Variants in SUGCT observed in about 807,000 individuals in gnomAD.
The protein encoded by SUGCT is succinyl-CoA:glutarate CoA-transferase.
Under a neutral mutation model 55.0 loss-of-function variants are expected in SUGCT, and 41 were observed. That is an observed-to-expected ratio of 0.74 (90% CI 0.58 to 0.97). The LOEUF is 0.97. Among genes scored for constraint, SUGCT ranks in the 50% least tolerant of loss-of-function variants. The probability of loss-of-function intolerance (pLI) is 0.00; values close to 1 mark genes in which losing one functional copy is unlikely to be tolerated. For missense variants in SUGCT, 568 were observed against 547.8 expected (o/e 1.04, Z -0.37); for synonymous variants, 187 against 200.4 (o/e 0.93, Z 0.56).
intron 12 of SUGCT, among the ~76,000 whole-genome samples, chr7:40,648,582 G>A (rs1800633514): frequency 6.6e-6 from 1 of 152,188 alleles, no homozygotes; most frequent in Non-Finnish European, 1.5e-5. Context: ...ATGTAATTGA[G>A]TTTACACAAG....
chr7:40,789,891 G>C (rs1323527431), intron 13 of SUGCT, among the ~76,000 whole-genome samples: 1 of 152,178 alleles, frequency 6.6e-6, no homozygotes, highest in Non-Finnish European at 1.5e-5. Flanking sequence ...TGGAGGGGGA[G>C]TCTCAGAAGG....
chr7:40,575,128 G>A (rs1029924732), intron 12 of SUGCT, among the ~76,000 whole-genome samples: 2 of 147,772 alleles, frequency 1.4e-5, no homozygotes, highest in African/African-American at 5.0e-5. Flanking sequence ...GCGGGGGTGG[G>A]GGTGGAGATG....
chr7:41,024,764 C>A, the SUGCT span, among the ~76,000 whole-genome samples: 1 of 127,754 alleles, frequency 7.8e-6, no homozygotes, highest in African/African-American at 2.7e-5. Flanking sequence ...TGGGTACAGC[C>A]CCCTGAGTGG....
intron 12 of SUGCT, among the ~76,000 whole-genome samples, chr7:40,646,864 C>T (rs1391610484): frequency 6.6e-6 from 1 of 152,160 alleles, no homozygotes; most frequent in Non-Finnish European, 1.5e-5. Flanking sequence ...TGTTCAGCAT[C>T]TAGTAAGTAC....
chr7:40,641,077 T>C (rs1409727152), intron 12 of SUGCT, among the ~76,000 whole-genome samples: 1 of 152,246 alleles, frequency 6.6e-6, no homozygotes, highest in Admixed American at 6.5e-5. Context: ...CTCTTCCCCT[T>C]CTTAACCTTA....
the SUGCT span, among the ~76,000 whole-genome samples, chr7:40,952,315 C>T: frequency 6.7e-6 from 1 of 150,034 alleles, no homozygotes; most frequent in African/African-American, 2.4e-5. Flanking sequence ...GGTAGATCTT[C>T]CCCCATCCCT....
At chr7:40,942,465 A>G in the SUGCT span, among the ~76,000 whole-genome samples, 3 of 152,116 alleles carry the variant, frequency 2.0e-5, no homozygotes, top group Non-Finnish European at 4.4e-5. Context: ...TGTAGGTTAC[A>G]TGATACTTTT....
At chr7:40,233,258 C>T (rs1193771750) in intron 6 of SUGCT, among the ~76,000 whole-genome samples, 1 of 151,942 alleles carries the variant, frequency 6.6e-6, no homozygotes, top group African/African-American at 2.4e-5. Context: ...CTTGCCCTGT[C>T]GCCCAGGCTG....
chr7:40,322,267 TC>T (rs1295054636), intron 9 of SUGCT, among the ~76,000 whole-genome samples: 1 of 152,202 alleles, frequency 6.6e-6, no homozygotes, highest in Non-Finnish European at 1.5e-5. Flanking sequence ...CTTTCTGGCT[TC>T]AGAGGTCCCT....
intron 1 of SUGCT, chr7:40,153,833 G>T: frequency 2.6e-6 from 1 of 385,890 alleles, no homozygotes; most frequent in South Asian, 2.3e-5. Context: ...ATGCCATTAA[G>T]AACTGGCTCT....
intron 13 of SUGCT, among the ~76,000 whole-genome samples, chr7:40,852,609 T>C (rs1563049184): frequency 8.5e-6 from 1 of 118,192 alleles, no homozygotes. Context: ...CACTAGATCA[T>C]TTTTTTTTTT....
At chr7:40,854,404 T>TTTCC (rs1794025289) in intron 13 of SUGCT, among the ~76,000 whole-genome samples, 1 of 103,148 alleles carries the variant, frequency 9.7e-6, no homozygotes, top group Non-Finnish European at 2.0e-5. Flanking sequence ...TTTTTCTTTC[T>TTTCC]TTCTTTCTTT....
intron 12 of SUGCT, among the ~76,000 whole-genome samples, chr7:40,746,583 G>A (rs1446495585): frequency 6.6e-6 from 1 of 152,196 alleles, no homozygotes; most frequent in Non-Finnish European, 1.5e-5. Context: ...CAATGCAAAG[G>A]CATTGATAAG....
downstream of SUGCT, among the ~76,000 whole-genome samples, chr7:40,865,614 G>C (rs1333743479): frequency 6.6e-6 from 1 of 152,170 alleles, no homozygotes; most frequent in African/African-American, 2.4e-5. Flanking sequence ...CGCTGGAGCC[G>C]AACAGCTTGG....
the SUGCT span, among the ~76,000 whole-genome samples, chr7:41,006,323 G>C: frequency 6.6e-6 from 1 of 152,164 alleles, no homozygotes; most frequent in Non-Finnish European, 1.5e-5. Flanking sequence ...CCAGGGGCTG[G>C]ACTCCAAACA....
intron 8 of SUGCT, among the ~76,000 whole-genome samples, chr7:40,275,032 C>T (rs570304364): frequency 6.6e-6 from 1 of 152,202 alleles, no homozygotes; most frequent in African/African-American, 2.4e-5. Context: ...AACTCCCGAC[C>T]TCAGGTGATT....
the SUGCT span, among the ~76,000 whole-genome samples, chr7:40,980,741 G>T: frequency 2.0e-5 from 3 of 152,102 alleles, no homozygotes; most frequent in African/African-American, 4.8e-5. Context: ...CTGTCACCCA[G>T]CCTGGAGTGC....
At chr7:40,256,622 G>A (rs1790827204) in intron 7 of SUGCT, among the ~76,000 whole-genome samples, 1 of 152,150 alleles carries the variant, frequency 6.6e-6, no homozygotes. Flanking sequence ...CCTTTGTTTG[G>A]ACTGGGAATG....
intron 8 of SUGCT, among the ~76,000 whole-genome samples, chr7:40,290,272 T>C (rs1292319568): frequency 1.3e-5 from 2 of 152,156 alleles, no homozygotes; most frequent in Admixed American, 6.5e-5. Context: ...AAGGCTACAG[T>C]AACCAAAACA....
Sources: allele counts gnomAD v4.1 joint callset (sites outside exome capture counted in the v4.1 genomes callset), GRCh38; gene constraint gnomAD v4.1.1; transcripts MANE v1.5; gene names NCBI Gene and HGNC (gene_info 2026-07-23, HGNC 2026-07-21).